The following ADHFE1 variants were observed in gnomAD, a reference collection of about 807,000 sequenced individuals.
ADHFE1 encodes the protein hydroxyacid-oxoacid transhydrogenase, mitochondrial.
A neutral mutation model predicts 54.8 loss-of-function variants in ADHFE1; 37 were observed. That is an observed-to-expected ratio of 0.68 (90% confidence interval 0.52 to 0.89). The LOEUF (loss-of-function observed/expected upper bound fraction) is 0.89. Ranked by LOEUF, ADHFE1 falls within the 40% of genes least tolerant of loss-of-function variation. The pLI is 0.00. For synonymous variants in ADHFE1, 203 were observed against 229.3 expected (o/e 0.89, Z 1.04); for missense variants, 601 against 591.2 (o/e 1.02, Z -0.17).
At chr8:66,444,835 TCACGC>T (rs1805943822) in intron 5 of ADHFE1, 87 bp downstream of exon 5, 1 of 1,498,650 alleles carries the variant, frequency 6.7e-7, no homozygotes, top group Non-Finnish European at 9.2e-7. Context: ...GCGTGGTGGC[TCACGC>T]CTGTAATCCC....
chr8:66,440,087 T>G, intron 1 of ADHFE1, 75 bp from the exon 2 acceptor site: 1 of 1,427,706 alleles, frequency 7.0e-7, no homozygotes, highest in Non-Finnish European at 9.8e-7. Context: ...CAATGTGAGT[T>G]AGCTTAAGGC....
At chr8:66,461,183 G>A (rs1308743157) in intron 13 of ADHFE1, among the ~76,000 whole-genome samples, 6 of 152,190 alleles carry the variant, frequency 3.9e-5, no homozygotes, top group Admixed American at 3.9e-4. Context: ...CCATAAAGCA[G>A]AGAGCTCAGA....
In ADHFE1 at chr8:66,448,976, T is replaced by C; in HGVS notation, c.734+6T>C. 6.2e-7 allele frequency: 1 copy of C among 1,613,216 alleles called. No individual in the cohort carries two copies. Among genetic ancestry groups the C allele is most frequent in the Non-Finnish European group, 8.5e-7 (1 of 1,179,272 alleles). On this transcript the variant is annotated splice_donor_region_variant and intron_variant, in intron 8 of 13. Coordinates refer to ENST00000396623, the MANE Select transcript of ADHFE1 (RefSeq NM_144650.3). ...AGTGGCTTTGATGTGCTTTGGTAAG[T>C]GCTGGTGCCTCCTGGAGGGGCTTTT...
intron 13 of ADHFE1, among the ~76,000 whole-genome samples, chr8:66,464,850 T>A (rs1807085159): frequency 6.6e-6 from 1 of 152,198 alleles, no homozygotes. Context: ...GTGGTGTGTC[T>A]GTTAAACACG....
Position 66,445,221 on chromosome 8 carries a change from C to T in ADHFE1, c.357C>T (p.Phe119=), listed in dbSNP as rs1805968940. ...TTTTTATTTTCTCTTCTCCAAGCTT[C>T]ATGGAAGCTATTGAGTTTGCCCAAA... is the stretch of plus-strand genomic sequence containing the variant. ...NVRVEPTDSS[F]MEAIEFAQKG... Residue 119 remains phenylalanine, a synonymous_variant, in exon 6 of 14, where the codon TTC becomes TTT. Transcript: ENST00000396623. 1 of 1,598,026 alleles carries T rather than the reference C, an allele frequency of 6.3e-7. No homozygotes were observed. The highest frequency in any genetic ancestry group is 1.4e-5 in the African/African-American group (1 of 73,760).
Position 66,444,709 on chromosome 8 carries a change from C to T in ADHFE1, c.314C>T (p.Thr105Met), listed in dbSNP as rs762948149. The change falls in exon 5 of 14, where the codon ACG (threonine) becomes ATG (methionine). Residue 105 changes from threonine to methionine, a missense_variant. Thr to Met is a moderately conservative substitution (Grantham distance 81, BLOSUM62 -1). Transcript: ENST00000396623. ...CTAGTGAAGAATGGCATCCCCTTTACGGTTTATGATAATGTGAGAGTGGAA... is the reference window on the plus strand; with the variant it reads ...CTAGTGAAGAATGGCATCCCCTTTATGGTTTATGATAATGTGAGAGTGGAA... ...DSLVKNGIPFTVYDNVRVEPT... is the reference protein window; with the variant it reads ...DSLVKNGIPFMVYDNVRVEPT... The T allele has an allele frequency of 1.4e-5, 22 of 1,614,068 alleles. No homozygotes were observed. The highest frequency in any genetic ancestry group is 9.9e-5 in the South Asian group (9 of 91,090).
At chr8:66,460,507 A>G in intron 13 of ADHFE1, 42 bp downstream of exon 13, 2 of 1,523,390 alleles carry the variant, frequency 1.3e-6, no homozygotes, top group South Asian at 1.3e-5. Flanking sequence ...GAAGGAGCCT[A>G]GCGCCTCCAG....
chr8:66,468,187 C>A, intron 13 of ADHFE1, 82 bp from the exon 14 acceptor site: 1 of 1,032,736 alleles, frequency 9.7e-7, no homozygotes, highest in South Asian at 1.5e-5. Flanking sequence ...ATTCTTATGA[C>A]CAAGTTAATT....
intron 13 of ADHFE1, among the ~76,000 whole-genome samples, chr8:66,462,326 C>G (rs938595518): frequency 2.0e-5 from 3 of 152,132 alleles, no homozygotes; most frequent in Non-Finnish European, 4.4e-5. Flanking sequence ...CACAGCTCAC[C>G]ACAGCCTTGA....
chr8:66,439,390 A>G lies in ADHFE1; in HGVS notation c.60-772A>G. On this transcript the variant is annotated intron_variant, in intron 1 of 13. Transcript: ENST00000396623. The surrounding 1 kb of genome is among the most constrained non-coding windows in gnomAD (Gnocchi z 4.4). The stretch of plus-strand genomic sequence containing the variant: ...GCAGGAGAAAGAGAAGCCAGAGGAG[A>G]GACTGGGACTGTCCAGGAAATAGGA... 1.0e-6 allele frequency: 1 copy of G among 985,678 alleles called. No homozygotes were observed. Among genetic ancestry groups the G allele is most frequent in the South Asian group, 4.7e-5 (1 of 21,290 alleles). The allele number at this position is 985,678 out of a possible 1,614,324, so 61.1% of individuals were successfully genotyped here. A position where few individuals can be genotyped will look rare whatever the true frequency, so the allele number is the denominator to read the frequency against.
In ADHFE1 at chr8:66,460,298, T is replaced by C. The variant is rs757534193; in HGVS notation, c.1163-10T>C. ...CTCTCTCCCTACAGTCAGCACTTTA[T>C]GTCTTCTAGGAGCCGACACCCGCAC... On this transcript the variant is annotated splice_polypyrimidine_tract_variant and intron_variant, in intron 12 of 13. Transcript: ENST00000396623. 6.2e-7 allele frequency: 1 copy of C among 1,613,800 alleles called. No homozygotes were observed. Among genetic ancestry groups the C allele is most frequent in the Non-Finnish European group, 8.5e-7 (1 of 1,179,986 alleles).
At chr8:66,451,361 G>T (rs896208593) in intron 8 of ADHFE1, among the ~76,000 whole-genome samples, 6 of 152,114 alleles carry the variant, frequency 3.9e-5, no homozygotes, top group Admixed American at 2.6e-4. Flanking sequence ...TCAACTCATC[G>T]AATTTTCACA....
intron 1 of ADHFE1, among the ~76,000 whole-genome samples, chr8:66,438,660 G>C (rs1805584350): frequency 6.6e-6 from 1 of 152,130 alleles, no homozygotes; most frequent in Admixed American, 6.5e-5. Flanking sequence ...CGGGAGGAGA[G>C]AGAGGGAGAG....
chr8:66,463,639 T>C (rs1807020773), intron 13 of ADHFE1, among the ~76,000 whole-genome samples: 1 of 152,322 alleles, frequency 6.6e-6, no homozygotes, highest in South Asian at 2.1e-4. Context: ...GTGACTGTTT[T>C]ACAGGAATGC....
chr8:66,468,620 T>G lies in ADHFE1; in HGVS notation c.*268T>G. ...GTCCCAAACCCCACACAGAATACTC[T>G]GCCTCTGTTTCATGTAGCAAATGAG... is the stretch of plus-strand genomic sequence containing the variant. On this transcript the variant is annotated 3_prime_UTR_variant, in exon 14 of 14. Coordinates refer to ENST00000396623, the MANE Select transcript of ADHFE1 (RefSeq NM_144650.3). 4.5e-6 allele frequency: 1 copy of G among 220,076 alleles called. No individual in the cohort carries two copies. 13.6% of individuals were successfully genotyped at this position (220,076 alleles called of 1,614,324 possible).
At chr8:66,451,375 A>C (rs575327464) in intron 8 of ADHFE1, among the ~76,000 whole-genome samples, 2 of 152,212 alleles carry the variant, frequency 1.3e-5, no homozygotes, top group Non-Finnish European at 2.9e-5. Flanking sequence ...TTTCACAGCC[A>C]CATCATGAAC....
At chr8:66,462,072 T>C (rs1021817317) in intron 13 of ADHFE1, among the ~76,000 whole-genome samples, 1 of 152,200 alleles carries the variant, frequency 6.6e-6, no homozygotes, top group Admixed American at 6.5e-5. Flanking sequence ...CCATTTTCCA[T>C]TGCACCTAGC....
chr8:66,432,728 C>T, intron 1 of ADHFE1, 153 bp downstream of exon 1: 1 of 1,232,426 alleles, frequency 8.1e-7, no homozygotes, highest in Non-Finnish European at 1.0e-6. Flanking sequence ...GCGCGCCAGG[C>T]GGAACAGCGA....
intron 1 of ADHFE1, among the ~76,000 whole-genome samples, chr8:66,436,861 G>T (rs927688252): frequency 2.0e-5 from 3 of 152,324 alleles, no homozygotes; most frequent in African/African-American, 7.2e-5. Context: ...CCAGTGCGAT[G>T]AGAAGAAAAC....
Sources: gnomAD v4.1 joint callset for allele counts (sites outside exome capture counted in the v4.1 genomes callset) on GRCh38, gnomAD v4.1.1 for gene constraint, Gnocchi (gnomAD v3.1) non-coding constraint, MANE v1.5 for transcripts, NCBI Gene and HGNC (gene_info 2026-07-23, HGNC 2026-07-21) for gene names.